Variants in AGBL1 observed in about 807,000 individuals in gnomAD.
The protein encoded by AGBL1 is cytosolic carboxypeptidase 4.
A neutral mutation model predicts 118.9 loss-of-function variants in AGBL1; 130 were observed. The ratio of observed to expected loss-of-function variants is 1.09; its 90% confidence interval spans 0.95 to 1.26. The LOEUF is 1.26. Among genes scored for constraint, AGBL1 ranks in the 50% most tolerant of loss-of-function variants. The probability of loss-of-function intolerance (pLI) is 0.00; values close to 1 mark genes in which losing one functional copy is unlikely to be tolerated. For synonymous variants in AGBL1, 555 were observed against 478.9 expected (o/e 1.16, Z -2.08); for missense variants, 1,584 against 1,298.1 (o/e 1.22, Z -3.38).
At chr15:86,939,013 C>A (rs973311992) in intron 23 of AGBL1, 1 of 152,318 alleles carries the variant, frequency 6.6e-6, no homozygotes. Context: ...ACATCCTTCA[C>A]ATCTTTTTCC....
chr15:86,565,280 T>C (rs997244581), intron 21 of AGBL1, among the ~76,000 whole-genome samples: 6 of 152,230 alleles, frequency 3.9e-5, no homozygotes, highest in African/African-American at 1.4e-4. Context: ...CTTTGGTCTT[T>C]GATGATGGTG....
intron 22 of AGBL1, among the ~76,000 whole-genome samples, chr15:86,737,563 G>A (rs897309623): frequency 6.6e-6 from 1 of 152,118 alleles, no homozygotes; most frequent in Admixed American, 6.6e-5. Flanking sequence ...AGTTCTTCCT[G>A]CTATAACCAC....
intron 23 of AGBL1, among the ~76,000 whole-genome samples, chr15:86,934,059 CAGAG>C (rs1414493180): frequency 6.6e-6 from 1 of 152,200 alleles, no homozygotes; most frequent in Non-Finnish European, 1.5e-5. Context: ...ATAAAATCAT[CAGAG>C]AGCACTGGCT....
chr15:86,467,092 G>C (rs1366401124), intron 18 of AGBL1, among the ~76,000 whole-genome samples: 1 of 152,222 alleles, frequency 6.6e-6, no homozygotes, highest in Non-Finnish European at 1.5e-5. Context: ...TCCCTCAGGG[G>C]GTCTCTCCCA....
chr15:86,935,138 C>G (rs1307409480), intron 23 of AGBL1: 1 of 152,214 alleles, frequency 6.6e-6, no homozygotes, highest in East Asian at 1.9e-4. Context: ...CGGATTTTCT[C>G]CCCGATTCCT....
At chr15:86,618,132 C>G (rs1199697076) in intron 21 of AGBL1, among the ~76,000 whole-genome samples, 1 of 152,122 alleles carries the variant, frequency 6.6e-6, no homozygotes, top group Non-Finnish European at 1.5e-5. Context: ...AACAGAAATA[C>G]TCTTTAATTC....
chr15:86,588,048 C>CA (rs146922828), intron 21 of AGBL1, among the ~76,000 whole-genome samples: 2,228 of 152,260 alleles, frequency 0.015, 56 homozygotes, highest in African/African-American at 0.051. Context: ...CACTATTCTT[C>CA]ATTATTCTAA....
At chr15:86,890,107 TA>T (rs2080030287) in intron 22 of AGBL1, among the ~76,000 whole-genome samples, 1 of 152,228 alleles carries the variant, frequency 6.6e-6, no homozygotes, top group South Asian at 2.1e-4. Context: ...CTTGAGATAG[TA>T]TCACACTGTG....
intron 15 of AGBL1, among the ~76,000 whole-genome samples, chr15:86,274,857 A>G (rs1310803105): frequency 6.6e-6 from 1 of 152,082 alleles, no homozygotes; most frequent in Non-Finnish European, 1.5e-5. Context: ...CATTTTAAGG[A>G]GAAATTCTAA....
chr15:86,715,403 G>A (rs1226133879), intron 22 of AGBL1, among the ~76,000 whole-genome samples: 3 of 152,168 alleles, frequency 2.0e-5, no homozygotes, highest in African/African-American at 4.8e-5. Flanking sequence ...TGGTCTTCTC[G>A]TAGAAGCGTT....
rs901490118 is a variant in AGBL1, at chr15:86,632,007, C to G, written c.2995-42266C>G. On this transcript the variant is annotated intron_variant, in intron 21 of 22. Transcript: ENST00000614907. The stretch of plus-strand genomic sequence containing the variant: ...GAGTTTGAGAGCAGTCTGCGCAAGC[C>G]TAGGGAGACCCTATTTCCACAATTT... Among the ~76,000 whole-genome samples, 17 of 149,548 alleles carry G rather than the reference C, an allele frequency of 1.1e-4. 1 individual carries two copies. The highest frequency in any genetic ancestry group is 4.2e-4 in the African/African-American group (17 of 40,550).
chr15:86,591,914 A>G (rs2084342521), intron 21 of AGBL1, among the ~76,000 whole-genome samples: 1 of 152,192 alleles, frequency 6.6e-6, no homozygotes, highest in Admixed American at 6.5e-5. Context: ...GCTGCCAGTC[A>G]CCAGTCAATA....
intron 6 of AGBL1, among the ~76,000 whole-genome samples, chr15:86,230,496 T>C (rs2078438586): frequency 6.6e-6 from 1 of 152,216 alleles, no homozygotes; most frequent in Admixed American, 6.5e-5. Context: ...TGAACTTGCA[T>C]GTAAATTCTG....
chr15:86,621,234 T>A (rs937983150), intron 21 of AGBL1, among the ~76,000 whole-genome samples: 1 of 152,234 alleles, frequency 6.6e-6, no homozygotes, highest in Non-Finnish European at 1.5e-5. Flanking sequence ...GCTATAGAAT[T>A]CAGGGAAGTG....
intron 6 of AGBL1, among the ~76,000 whole-genome samples, chr15:86,239,480 C>T (rs1354012376): frequency 6.6e-6 from 1 of 152,168 alleles, no homozygotes; most frequent in African/African-American, 2.4e-5. Context: ...CCTGCAGCTG[C>T]AGGGCAGGAG....
intron 1 of AGBL1, among the ~76,000 whole-genome samples, chr15:86,117,455 A>G (rs1897834855): frequency 6.6e-6 from 1 of 152,078 alleles, no homozygotes; most frequent in African/African-American, 2.4e-5. Flanking sequence ...CTGTGTGACT[A>G]TTGTGTTGAG....
intron 22 of AGBL1, among the ~76,000 whole-genome samples, chr15:86,887,394 C>A (rs1382382022): frequency 6.6e-6 from 1 of 152,252 alleles, no homozygotes. Context: ...TAACTGCTCA[C>A]ATCCACCTGC....
intron 22 of AGBL1, among the ~76,000 whole-genome samples, chr15:86,788,486 A>T (rs2078446168): frequency 6.6e-6 from 1 of 152,158 alleles, no homozygotes; most frequent in Non-Finnish European, 1.5e-5. Flanking sequence ...ACAATATTGG[A>T]GCCATTGATT....
intron 22 of AGBL1, among the ~76,000 whole-genome samples, chr15:86,797,537 C>G (rs538306889): frequency 2.6e-5 from 4 of 152,336 alleles, no homozygotes; most frequent in African/African-American, 9.6e-5. Context: ...GCTGATAGCT[C>G]TCTCCCTATT....
Sources: allele counts gnomAD v4.1 joint callset (sites outside exome capture counted in the v4.1 genomes callset), GRCh38; gene constraint gnomAD v4.1.1; transcripts MANE v1.5; gene names NCBI Gene and HGNC (gene_info 2026-07-23, HGNC 2026-07-21).